Variants in ZMYM4 observed in about 807,000 individuals in gnomAD.
ZMYM4 encodes zinc finger MYM-type protein 4.
ZMYM4 carries 31 observed loss-of-function variants against 183.2 expected under a neutral mutation model. That is an observed-to-expected ratio of 0.17 (90% CI 0.13 to 0.23). The LOEUF is 0.23. ZMYM4 is among the 10% of genes least tolerant of loss of function. The pLI is 1.00. For synonymous variants in ZMYM4, 592 were observed against 631.2 expected (o/e 0.94, Z 0.93); for missense variants, 1,273 against 1,840.3 (o/e 0.69, Z 5.64).
intron 15 of ZMYM4, among the ~76,000 whole-genome samples, chr1:35,390,451 G>A (rs1644680343): frequency 6.6e-6 from 1 of 151,860 alleles, no homozygotes; most frequent in Non-Finnish European, 1.5e-5. Flanking sequence ...GCAGGAGTGG[G>A]GGTCACAAAG....
Position 35,359,247 on chromosome 1 carries a change from A to G in ZMYM4, c.408A>G (p.Lys136=), listed in dbSNP as rs200285842. The change falls in exon 3 of 30, where the codon AAA becomes AAG. Residue 136 remains lysine, a synonymous_variant. Coordinates refer to ENST00000314607, the MANE Select transcript of ZMYM4 (RefSeq NM_005095.3). ...TACAAATTCAAAATAAGTTAAAAAA[A>G]GACTTTCCTAAACAATTTGATCAGG... The part of the protein sequence containing the change: ...NEIQIQNKLK[K]DFPKQFDQVS... 6.2e-7 allele frequency: 1 copy of G among 1,609,816 alleles called. No individual in the cohort carries two copies. Among genetic ancestry groups the G allele is most frequent in the Non-Finnish European group, 8.5e-7 (1 of 1,178,422 alleles).
At chr1:35,269,929 A>T (rs1639514267) in intron 1 of ZMYM4, among the ~76,000 whole-genome samples, 1 of 152,220 alleles carries the variant, frequency 6.6e-6, no homozygotes, top group Admixed American at 6.5e-5. Flanking sequence ...CATGATAAGA[A>T]GTAAGTTTCC....
At chr1:35,333,547 T>G (rs1642847625) in intron 2 of ZMYM4, among the ~76,000 whole-genome samples, 1 of 152,170 alleles carries the variant, frequency 6.6e-6, no homozygotes, top group Non-Finnish European at 1.5e-5. Context: ...TGTCAGCTAC[T>G]GCGCCTGGCC....
In ZMYM4 at chr1:35,387,251, C is replaced by T. The variant is rs759225675; in HGVS notation, c.2085C>T (p.Ala695=). 4.3e-6 allele frequency: 7 copies of T among 1,613,950 alleles called. No homozygotes were observed. The East Asian group carries it at 1.6e-4, about 36-fold the overall frequency. The change falls in exon 12 of 30, where the codon GCC becomes GCT. Residue 695 remains alanine, a synonymous_variant. Coordinates refer to ENST00000314607, the MANE Select transcript of ZMYM4 (RefSeq NM_005095.3). ...GTCAACACTGTAACCGTCTTTTTGCCACAAAACCAGAACTTCTTGACTATA... is the reference window on the plus strand; with the variant it reads ...GTCAACACTGTAACCGTCTTTTTGCTACAAAACCAGAACTTCTTGACTATA... ...LKCQHCNRLF[A]TKPELLDYKG...
chr1:35,285,138 G>T (rs1456866002), intron 1 of ZMYM4, among the ~76,000 whole-genome samples: 1 of 151,554 alleles, frequency 6.6e-6, no homozygotes, highest in Non-Finnish European at 1.5e-5. Context: ...TTTTTTTCAA[G>T]ATTGTTTTGG....
chr1:35,340,743 G>T (rs527515819), intron 2 of ZMYM4, among the ~76,000 whole-genome samples: 1 of 152,164 alleles, frequency 6.6e-6, no homozygotes, highest in East Asian at 1.9e-4. Flanking sequence ...TGTAAATACA[G>T]ATGAAGCTTT....
chr1:35,380,606 G>A (rs1481575847), intron 7 of ZMYM4, among the ~76,000 whole-genome samples: 3 of 152,278 alleles, frequency 2.0e-5, no homozygotes, highest in South Asian at 2.1e-4. Context: ...GATTACAGGC[G>A]TGAGCCACTG....
At chr1:35,382,181 TAC>T (rs59402643) in intron 9 of ZMYM4, among the ~76,000 whole-genome samples, 18,412 of 133,154 alleles carry the variant, frequency 0.14, 1,266 homozygotes, top group African/African-American at 0.18. Flanking sequence ...TATACACACA[TAC>T]ACACACACAC....
At chr1:35,306,131 A>T (rs577651348) in intron 1 of ZMYM4, among the ~76,000 whole-genome samples, 2 of 151,940 alleles carry the variant, frequency 1.3e-5, no homozygotes, top group South Asian at 4.2e-4. Flanking sequence ...TTCTCGCCTT[A>T]TTGTAGGTAG....
chr1:35,347,068 C>A (rs925088426), intron 2 of ZMYM4, among the ~76,000 whole-genome samples: 1 of 152,206 alleles, frequency 6.6e-6, no homozygotes, highest in Non-Finnish European at 1.5e-5. Flanking sequence ...TGCAATGGCA[C>A]TGTCTTGGCT....
chr1:35,419,530 C>A lies in ZMYM4; in HGVS notation c.4500C>A (p.Val1500=). ...VFYLQPERSC[V]PNSPMWYSTF... ...ACCTTCAACCTGAGCGCTCCTGTGT[C>A]CCGAATAGCCCCATGTGGTACTCCA... The change falls in exon 30 of 30, where the codon GTC becomes GTA. Residue 1500 remains valine (V), a synonymous_variant. Transcript: ENST00000314607. 1.2e-6 allele frequency: 2 copies of A among 1,613,938 alleles called. No homozygotes were observed. The highest frequency in any genetic ancestry group is 1.3e-5 in the African/African-American group (1 of 74,946).
chr1:35,275,795 T>C (rs961140646), intron 1 of ZMYM4, among the ~76,000 whole-genome samples: 2 of 152,140 alleles, frequency 1.3e-5, no homozygotes, highest in East Asian at 3.8e-4. Context: ...TAAAAAAAAA[T>C]GACACTTTTA....
intron 7 of ZMYM4, among the ~76,000 whole-genome samples, chr1:35,373,886 A>G (rs1442031993): frequency 1.3e-5 from 2 of 152,058 alleles, no homozygotes; most frequent in Non-Finnish European, 2.9e-5. Context: ...TATAGTTATA[A>G]CTTATGTAGT....
chr1:35,351,320 C>T, intron 2 of ZMYM4: 2 of 1,575,752 alleles, frequency 1.3e-6, no homozygotes, highest in Non-Finnish European at 8.7e-7. Context: ...ACATCATGGG[C>T]CAGAAAGTTG....
At position 35,268,825 on chromosome 1, in the gene ZMYM4, C is replaced by G. The variant is rs992657909; in HGVS notation, c.-222C>G. 214 of 390,948 alleles carry G rather than the reference C, an allele frequency of 5.5e-4. 2 individuals carry two copies. Among genetic ancestry groups the G allele is most frequent in the African/African-American group, 4.1e-3 (197 of 47,528 alleles). The allele number at this position is 390,948 out of a possible 1,614,324, so 24.2% of individuals were successfully genotyped here. The stretch of plus-strand genomic sequence containing the variant: ...CCCCGAGTCCCGGCCCCCACCCCGT[C>G]CCCGGGCAGGCCCTCCCGCCCACGC... On this transcript the variant is annotated 5_prime_UTR_variant, in exon 1 of 30. Coordinates refer to ENST00000314607, the MANE Select transcript of ZMYM4 (RefSeq NM_005095.3).
chr1:35,360,943 A>T (rs1035925225), intron 3 of ZMYM4, among the ~76,000 whole-genome samples: 33 of 138,176 alleles, frequency 2.4e-4, no homozygotes, highest in Non-Finnish European at 3.8e-4. Context: ...AGCAAAAATA[A>T]TTTTTTTTTT....
chr1:35,302,200 C>CCTTTTTTTTTTTTTTTTTTT (rs1641311910), intron 1 of ZMYM4, among the ~76,000 whole-genome samples: 1 of 58,556 alleles, frequency 1.7e-5, no homozygotes, highest in African/African-American at 6.4e-5. Context: ...ACGGCTCTTG[C>CCTTTTTTTTTTTTTTTTTTT]TTTTTTTTTT....
At chr1:35,309,925 T>C (rs1641715433) in intron 1 of ZMYM4, among the ~76,000 whole-genome samples, 2 of 145,784 alleles carry the variant, frequency 1.4e-5, no homozygotes, top group Non-Finnish European at 3.0e-5. Context: ...TTGTGTGTTT[T>C]TTTTTGTTTT....
intron 1 of ZMYM4, among the ~76,000 whole-genome samples, chr1:35,312,421 A>C (rs941151132): frequency 2.0e-5 from 3 of 152,128 alleles, no homozygotes; most frequent in African/African-American, 7.2e-5. Flanking sequence ...CTTCCATTTA[A>C]CCATTTTTAG....
Sources: gnomAD v4.1 joint callset for allele counts (sites outside exome capture counted in the v4.1 genomes callset) on GRCh38, gnomAD v4.1.1 for gene constraint, MANE v1.5 for transcripts, NCBI Gene and HGNC (gene_info 2026-07-23, HGNC 2026-07-21) for gene names.